The following SECISBP2 variants were observed in gnomAD, a reference collection of about 807,000 sequenced individuals.
SECISBP2 encodes SECIS binding protein 2, also known as selenocysteine insertion sequence-binding protein 2.
Under a neutral mutation model 98.2 loss-of-function variants are expected in SECISBP2, and 96 were observed. The ratio of observed to expected loss-of-function variants is 0.98; its 90% confidence interval spans 0.83 to 1.16. The LOEUF is 1.16. Ranked by LOEUF, SECISBP2 falls within the 50% of genes most tolerant of loss-of-function variation. SECISBP2 has a pLI of 0.00. For missense variants in SECISBP2, 1,046 were observed against 1,022.9 expected, an observed-to-expected ratio of 1.02 and a Z score of -0.31; for synonymous variants, 407 against 370.2, an observed-to-expected ratio of 1.10 and a Z score of -1.14.
In SECISBP2 at chr9:89,350,222, C is replaced by T. The variant is rs77144211; in HGVS notation, c.1892+293C>T. 9.1e-3 allele frequency among the ~76,000 whole-genome samples: 1,379 copies of T among 152,318 alleles called. 18 individuals are homozygous for T. The highest frequency in any genetic ancestry group is 0.031 in the African/African-American group (1,290 of 41,564). ...CGTGCATCATCTTTGGGCCCCTTTT[C>T]ATGGTTTAATCTCTGTGTAATGTCT... is the stretch of plus-strand genomic sequence containing the variant. On this transcript the variant is annotated intron_variant, in intron 13 of 16. Transcript: ENST00000375807.
Position 89,349,796 on chromosome 9 carries a change from C to T in SECISBP2, c.1759C>T (p.Leu587=). The change falls in exon 13 of 17, where the codon CTG becomes TTG. Residue 587 remains leucine (L), a synonymous_variant. Transcript: ENST00000375807. ...ELSGPEGMDE[L]ISTPSVEDKS... Reference sequence around the variant, plus strand: ...TGAAGGGCCAGAGGGGATGGACGAACTGATCTCCACTCCTTCGGTTGAGGA... The same window carrying T: ...TGAAGGGCCAGAGGGGATGGACGAATTGATCTCCACTCCTTCGGTTGAGGA... The T allele has an allele frequency of 6.2e-7, 1 of 1,614,208 alleles. No homozygotes were observed. Among genetic ancestry groups the T allele is most frequent in the Non-Finnish European group, 8.5e-7 (1 of 1,180,032 alleles).
intron 10 of SECISBP2, among the ~76,000 whole-genome samples, chr9:89,345,625 C>G (rs1045829734): frequency 6.6e-6 from 1 of 152,176 alleles, no homozygotes; most frequent in African/African-American, 2.4e-5. Context: ...AGGAAGGACC[C>G]TCCTCAGGCC....
chr9:89,357,041 A>T, intron 14 of SECISBP2: 1 of 347,340 alleles, frequency 2.9e-6, no homozygotes, highest in Non-Finnish European at 5.6e-6. Context: ...GACCAGGGGT[A>T]CAATGTGGGA....
intron 14 of SECISBP2, among the ~76,000 whole-genome samples, chr9:89,353,450 C>G (rs1009078976): frequency 6.6e-6 from 1 of 152,220 alleles, no homozygotes; most frequent in African/African-American, 2.4e-5. Context: ...TCCTGCAAAC[C>G]TGTGCTGTGC....
In SECISBP2 at chr9:89,358,021, A is replaced by G. The variant is rs757953063; in HGVS notation, c.2291A>G (p.Glu764Gly). 7.4e-6 allele frequency: 12 copies of G among 1,613,296 alleles called. No homozygotes were observed. The highest frequency in any genetic ancestry group is 1.3e-5 in the African/African-American group (1 of 75,032). Reference protein sequence around the residue: ...GAQDQFHKMVELTVAARQAYK... With the variant: ...GAQDQFHKMVGLTVAARQAYK... ...AAGGATCAGTTCCACAAGATGGTTGAGCTGACAGTGGCGGCCCGACAGGCG... is the reference window on the plus strand; with the variant it reads ...AAGGATCAGTTCCACAAGATGGTTGGGCTGACAGTGGCGGCCCGACAGGCG... Residue 764 changes from glutamate to glycine, a missense_variant, in exon 16 of 17, where the codon GAG (glutamate) becomes GGG (glycine). Physicochemically the swap from Glu to Gly is moderately conservative, Grantham distance 98. Coordinates refer to ENST00000375807, the MANE Select transcript of SECISBP2 (RefSeq NM_024077.5).
At position 89,327,493 on chromosome 9, in the gene SECISBP2, A is replaced by T. The variant is rs1158085223; in HGVS notation, c.575-1167A>T. Among the ~76,000 whole-genome samples the T allele has an allele frequency of 2.6e-5, 4 of 152,232 alleles. No individual in the cohort carries two copies. In the South Asian group the frequency reaches 6.2e-4, roughly 24 times the overall value. ...ACAAACATGCAGAAAAACCAAAAATACTTGGCTTGGACAAAAATATTTTCT... is the reference window on the plus strand; with the variant it reads ...ACAAACATGCAGAAAAACCAAAAATTCTTGGCTTGGACAAAAATATTTTCT... On this transcript the variant is annotated intron_variant, in intron 4 of 16. Transcript: ENST00000375807.
At chr9:89,319,442 T>C (rs1326121715) in intron 1 of SECISBP2, among the ~76,000 whole-genome samples, 1 of 152,170 alleles carries the variant, frequency 6.6e-6, no homozygotes, top group East Asian at 1.9e-4. Flanking sequence ...TTTTTCACTT[T>C]TAATGTTTGA....
the SECISBP2 span, chr9:89,365,549 C>T: frequency 6.6e-6 from 1 of 152,242 alleles, no homozygotes; most frequent in Non-Finnish European, 1.5e-5. Context: ...GTTAGATTTG[C>T]CCTAGATGTC....
chr9:89,362,494 A>C, downstream of SECISBP2: 17 of 1,613,750 alleles, frequency 1.1e-5, no homozygotes, highest in Middle Eastern at 1.7e-4. Context: ...TCTGCAGCCC[A>C]GTCTGTCTCA....
In SECISBP2 at chr9:89,350,976, T is replaced by G; in HGVS notation, c.2113+124T>G. The G allele has an allele frequency of 3.6e-6, 3 of 833,294 alleles. No individual in the cohort carries two copies. The South Asian group carries it at 4.3e-5, about 12-fold the overall frequency. The allele number at this position is 833,294 out of a possible 1,614,324, so 51.6% of individuals were successfully genotyped here. On this transcript the variant is annotated intron_variant, in intron 14 of 16. Coordinates refer to ENST00000375807, the MANE Select transcript of SECISBP2 (RefSeq NM_024077.5). Reference sequence around the variant, plus strand: ...CTTGACAACTCGTTTTCTTTGTGGTTTTTGTTTTTATTGAGTAACTGTTTC... The same window carrying G: ...CTTGACAACTCGTTTTCTTTGTGGTGTTTGTTTTTATTGAGTAACTGTTTC...
chr9:89,361,708 CAG>C (rs1472159953), downstream of SECISBP2: 1 of 152,244 alleles, frequency 6.6e-6, no homozygotes, highest in Non-Finnish European at 1.5e-5. Flanking sequence ...ATTGACGGGA[CAG>C]AGGCATAAAC....
downstream of SECISBP2, chr9:89,363,721 T>C (rs28743146): frequency 1.1e-3 from 1,811 of 1,608,038 alleles, 38 homozygotes; most frequent in East Asian, 0.037. Context: ...AGGGTAACAG[T>C]GGGCATGGGA....
intron 7 of SECISBP2, among the ~76,000 whole-genome samples, chr9:89,337,702 C>T (rs1490629649): frequency 1.3e-5 from 2 of 152,158 alleles, no homozygotes; most frequent in Non-Finnish European, 2.9e-5. Flanking sequence ...AGTGTAAATT[C>T]GCACTGGGTA....
chr9:89,347,293 A>G (rs1010050039), intron 11 of SECISBP2, among the ~76,000 whole-genome samples: 1 of 152,026 alleles, frequency 6.6e-6, no homozygotes, highest in African/African-American at 2.4e-5. Context: ...TATTTTTTCA[A>G]CTTTGCAATG....
At position 89,341,430 on chromosome 9, in the gene SECISBP2, G is replaced by A. The variant is rs542552067; in HGVS notation, c.1386G>A (p.Lys462=). ...GCATGCTGACAGCCCTGGAGAAGAAGCAGCACTCTCAGCATGCAAAGCAGT... is the reference window on the plus strand; with the variant it reads ...GCATGCTGACAGCCCTGGAGAAGAAACAGCACTCTCAGCATGCAAAGCAGT... ...LGGMLTALEK[K]QHSQHAKQSS... The change falls in exon 10 of 17, where the codon AAG becomes AAA. Residue 462 remains lysine, a synonymous_variant. Transcript: ENST00000375807. 4.2e-5 allele frequency: 68 copies of A among 1,614,150 alleles called. 1 individual carries two copies. In the South Asian group the frequency reaches 6.7e-4, roughly 16 times the overall value.
rs1457740948 is a variant in SECISBP2 at position 89,333,098 on chromosome 9, A to G, written c.880+112A>G. 43 of 888,054 alleles carry G rather than the reference A, an allele frequency of 4.8e-5. No individual in the cohort carries two copies. The Middle Eastern group carries it at 9.1e-4, about 19-fold the overall frequency. 55.0% of individuals were successfully genotyped at this position (888,054 alleles called of 1,614,324 possible). On this transcript the variant is annotated intron_variant, in intron 6 of 16. Coordinates refer to ENST00000375807, the MANE Select transcript of SECISBP2 (RefSeq NM_024077.5). ...TTGTTGTAAAGACTTAAGACAGCTA[A>G]TGAATTGTGGGTAACCTAACATCAG... is the stretch of plus-strand genomic sequence containing the variant.
intron 16 of SECISBP2, 108 bp from the exon 17 acceptor site, chr9:89,358,613 C>T (rs1832462917): frequency 1.0e-5 from 8 of 773,430 alleles, no homozygotes; most frequent in South Asian, 1.0e-4. Context: ...GCACCGTGAG[C>T]TGCTGGGCAG....
rs375666765 is a variant in SECISBP2 at position 89,326,064 on chromosome 9, A to G, written c.574+26A>G. The G allele has an allele frequency of 1.5e-5, 24 of 1,607,202 alleles. No individual in the cohort carries two copies. The African/African-American group carries it at 2.4e-4, about 16-fold the overall frequency. ...GTAAAAATAACCAACAATGTAGTAT[A>G]ATGCGAGCCTACTCCTTGTGCCCCA... On this transcript the variant is annotated intron_variant, in intron 4 of 16. Coordinates refer to ENST00000375807, the MANE Select transcript of SECISBP2 (RefSeq NM_024077.5).
chr9:89,362,205 G>A, downstream of SECISBP2: 1 of 812,692 alleles, frequency 1.2e-6, no homozygotes, highest in Non-Finnish European at 2.0e-6. Context: ...TCCTGTCACA[G>A]GCCCACTTGG....
Sources: allele counts gnomAD v4.1 joint callset (sites outside exome capture counted in the v4.1 genomes callset), GRCh38; gene constraint gnomAD v4.1.1; transcripts MANE v1.5; gene names NCBI Gene and HGNC (gene_info 2026-07-23, HGNC 2026-07-21).